Variants in LMOD1 observed in about 807,000 individuals in gnomAD.
The protein encoded by LMOD1 is leiomodin-1.
A neutral mutation model predicts 36.5 loss-of-function variants in LMOD1; 8 were observed. The observed-to-expected ratio is 0.22, with a 90% CI of 0.13 to 0.40. LMOD1 has a LOEUF of 0.40. Ranked by LOEUF, LMOD1 falls within the 10% of genes least tolerant of loss-of-function variation. The pLI is 1.00. For synonymous variants in LMOD1, 284 were observed against 288.7 expected (o/e 0.98, Z 0.17); for missense variants, 630 against 751.1 (o/e 0.84, Z 1.88).
intron 1 of LMOD1, among the ~76,000 whole-genome samples, chr1:201,934,256 A>G (rs963679928): frequency 6.6e-6 from 1 of 152,164 alleles, no homozygotes; most frequent in African/African-American, 2.4e-5. Context: ...CTATTGTCAT[A>G]GCCTCCTTGG....
intron 2 of LMOD1, 101 bp from the exon 3 acceptor site, chr1:201,898,499 G>T: frequency 9.4e-7 from 1 of 1,059,254 alleles, no homozygotes; most frequent in Non-Finnish European, 1.3e-6. Context: ...TGTTATGTCT[G>T]TGGAATGTGA....
At chr1:201,910,741 A>ATTTTT (rs1454275213) in intron 1 of LMOD1, among the ~76,000 whole-genome samples, 64 of 28,178 alleles carry the variant, frequency 2.3e-3, no homozygotes, top group Non-Finnish European at 2.8e-3. Flanking sequence ...AGATGGTGTC[A>ATTTTT]TTCTTTTTTT....
chr1:201,923,117 G>C (rs138344973), intron 1 of LMOD1, among the ~76,000 whole-genome samples: 1 of 152,012 alleles, frequency 6.6e-6, no homozygotes, highest in East Asian at 1.9e-4. Context: ...GAGCCACTGC[G>C]CCAGGCCAGG....
At chr1:201,933,527 C>A (rs186137965) in intron 1 of LMOD1, among the ~76,000 whole-genome samples, 1,770 of 126,226 alleles carry the variant, frequency 0.014, 27 homozygotes, top group African/African-American at 0.031. Context: ...CTCTCTCTCT[C>A]TCTCTATATA....
chr1:201,904,905 G>A (rs1681388770), intron 1 of LMOD1, among the ~76,000 whole-genome samples: 1 of 152,172 alleles, frequency 6.6e-6, no homozygotes, highest in Non-Finnish European at 1.5e-5. Flanking sequence ...TGCTTCCTTC[G>A]TGCTAATCTG....
In LMOD1 at chr1:201,917,435, C is replaced by A. The variant is rs59476358; in HGVS notation, c.262-16684G>T. On this transcript the variant is annotated intron_variant, in intron 1 of 2. Coordinates refer to ENST00000367288, the MANE Select transcript of LMOD1 (RefSeq NM_012134.3). ...GCAATAGCTAAGACTTCACAGTCAG[C>A]GCCATTCTGGCTTCTGCCTGGGGGT... Among the ~76,000 whole-genome samples the A allele has an allele frequency of 4.7e-3, 713 of 152,152 alleles. 8 individuals carry two copies. Among genetic ancestry groups the A allele is most frequent in the African/African-American group, 0.017 (691 of 41,380 alleles).
At chr1:201,931,978 T>C (rs1273586341) in intron 1 of LMOD1, among the ~76,000 whole-genome samples, 1 of 148,968 alleles carries the variant, frequency 6.7e-6, no homozygotes, top group African/African-American at 2.5e-5. Flanking sequence ...CTGGGCAGCT[T>C]TGAGGGCTTG....
chr1:201,930,644 C>A (rs1681900648), intron 1 of LMOD1, among the ~76,000 whole-genome samples: 1 of 152,096 alleles, frequency 6.6e-6, no homozygotes, highest in Non-Finnish European at 1.5e-5. Flanking sequence ...TGATCTAGAA[C>A]TCAAAATAGA....
At position 201,899,054 on chromosome 1, in the gene LMOD1, G is replaced by A; in HGVS notation, c.1776+183C>T. On this transcript the variant is annotated intron_variant, in intron 2 of 2. Transcript: ENST00000367288. This position sits in a 1 kb window ranked among gnomAD's most constrained non-coding sequence, Gnocchi z 6.3. ...GAGTCTCAGCTCTAGGGGATATACAGGTGTGACCTGCCTGCAGGCAGGAGG... is the reference window on the plus strand; with the variant it reads ...GAGTCTCAGCTCTAGGGGATATACAAGTGTGACCTGCCTGCAGGCAGGAGG... 1.7e-6 allele frequency: 1 copy of A among 573,414 alleles called. No individual in the cohort carries two copies. Among genetic ancestry groups the A allele is most frequent in the Non-Finnish European group, 3.1e-6 (1 of 326,344 alleles). The allele number at this position is 573,414 out of a possible 1,614,324, so 35.5% of individuals were successfully genotyped here.
Position 201,899,607 on chromosome 1 carries a change from C to G in LMOD1, c.1406G>C (p.Arg469Pro). The change falls in exon 2 of 3, where the codon CGC becomes CCC. Residue 469 changes from arginine (R) to proline (P), a missense_variant. Arg to Pro is a moderately radical substitution (Grantham distance 103). Around this residue, in one of 3 missense-constraint regions of LMOD1, gnomAD observed 144 missense variants for 169.8 expected, o/e 0.85. Transcript: ENST00000367288. The surrounding 1 kb of genome is among the most constrained non-coding windows in gnomAD (Gnocchi z 6.3). ...PRMTVTNLLSRNMDKQRQKRL... is the reference protein window; with the variant it reads ...PRMTVTNLLSPNMDKQRQKRL... ...CTTTTGTCTCTGCTTGTCCATGTTGCGGCTGAGCAGATTGGTGACAGTCAT... is the reference window on the plus strand; with the variant it reads ...CTTTTGTCTCTGCTTGTCCATGTTGGGGCTGAGCAGATTGGTGACAGTCAT... 6.2e-7 allele frequency: 1 copy of G among 1,612,420 alleles called. No individual in the cohort carries two copies. Among genetic ancestry groups the G allele is most frequent in the Non-Finnish European group, 8.5e-7 (1 of 1,179,196 alleles).
chr1:201,898,838 G>A (rs1681237685), intron 2 of LMOD1, among the ~76,000 whole-genome samples: 1 of 152,234 alleles, frequency 6.6e-6, no homozygotes, highest in South Asian at 2.1e-4. Flanking sequence ...GACTTGGCTG[G>A]TCCTGAGAGG....
At chr1:201,905,904 G>T (rs542179595) in intron 1 of LMOD1, among the ~76,000 whole-genome samples, 2 of 152,246 alleles carry the variant, frequency 1.3e-5, no homozygotes, top group South Asian at 4.1e-4. Context: ...TACCACTGCC[G>T]TGAATTCAGA....
intron 1 of LMOD1, among the ~76,000 whole-genome samples, chr1:201,932,249 G>C (rs775026213): frequency 1.3e-5 from 2 of 152,154 alleles, no homozygotes; most frequent in Non-Finnish European, 1.5e-5. Flanking sequence ...TCCATACTGA[G>C]AGTAGGTAAG....
intron 1 of LMOD1, among the ~76,000 whole-genome samples, chr1:201,919,269 A>G (rs895815525): frequency 1.3e-5 from 2 of 150,880 alleles, no homozygotes; most frequent in Non-Finnish European, 2.9e-5. Context: ...GCTGGAGTGC[A>G]GTGGTACTCA....
intron 1 of LMOD1, among the ~76,000 whole-genome samples, chr1:201,941,006 C>T (rs970657530): frequency 6.6e-5 from 10 of 151,954 alleles, no homozygotes; most frequent in Admixed American, 5.9e-4. Context: ...CTTGGCCTCC[C>T]AAAGTGCTGG....
intron 1 of LMOD1, among the ~76,000 whole-genome samples, chr1:201,941,512 G>C (rs543044780): frequency 6.6e-6 from 1 of 152,170 alleles, no homozygotes. Context: ...GGGCTATTTT[G>C]GGTGTGTACC....
Position 201,898,281 on chromosome 1 carries a change from G to T in LMOD1, c.*91C>A. Reference sequence around the variant, plus strand: ...GAATAGGGACATCCACAGCAGGTCAGCCAGGGATGGGGTGGGCAGGGTCTG... The same window carrying T: ...GAATAGGGACATCCACAGCAGGTCATCCAGGGATGGGGTGGGCAGGGTCTG... On this transcript the variant is annotated 3_prime_UTR_variant, in exon 3 of 3. Coordinates refer to ENST00000367288, the MANE Select transcript of LMOD1 (RefSeq NM_012134.3). 1.5e-6 allele frequency: 2 copies of T among 1,361,850 alleles called. No individual in the cohort carries two copies. Among genetic ancestry groups the T allele is most frequent in the Non-Finnish European group, 2.1e-6 (2 of 967,490 alleles). 84.4% of individuals were successfully genotyped at this position (1,361,850 alleles called of 1,614,324 possible).
rs73090468 is a variant in LMOD1 at position 201,923,284 on chromosome 1, G to A, written c.262-22533C>T. Among the ~76,000 whole-genome samples, 1,289 of 152,210 alleles carry A rather than the reference G, an allele frequency of 8.5e-3. 15 individuals are homozygous for A. Among genetic ancestry groups the A allele is most frequent in the African/African-American group, 0.029 (1,225 of 41,538 alleles). Reference sequence around the variant, plus strand: ...CCAAGACTGAGCAACACCCATCCTGGAATTTGACACACAGTGGATGCTTCA... The same window carrying A: ...CCAAGACTGAGCAACACCCATCCTGAAATTTGACACACAGTGGATGCTTCA... On this transcript the variant is annotated intron_variant, in intron 1 of 2. Transcript: ENST00000367288.
At chr1:201,918,219 C>T (rs959161254) in intron 1 of LMOD1, among the ~76,000 whole-genome samples, 1 of 152,198 alleles carries the variant, frequency 6.6e-6, no homozygotes, top group African/African-American at 2.4e-5. Context: ...TTTTCCCTCA[C>T]CACGTTCCCT....
Sources: allele counts gnomAD v4.1 joint callset (sites outside exome capture counted in the v4.1 genomes callset), GRCh38; gene constraint gnomAD v4.1.1; regional missense constraint gnomAD v4.1.1; non-coding constraint Gnocchi (gnomAD v3.1); transcripts MANE v1.5; gene names NCBI Gene and HGNC (gene_info 2026-07-23, HGNC 2026-07-21).